The following ADAM23 variants were observed in gnomAD, a reference collection of about 807,000 sequenced individuals.
The protein encoded by ADAM23 is ADAM metallopeptidase domain 23.
In ADAM23, 33 loss-of-function variants were observed where a neutral mutation model predicts 120.1. The ratio of observed to expected loss-of-function variants is 0.27; its 90% CI spans 0.21 to 0.37. The LOEUF is 0.37. Among genes scored for constraint, ADAM23 ranks in the 10% least tolerant of loss-of-function variants. ADAM23 has a pLI of 1.00. For missense variants in ADAM23, 862 were observed against 1,058.2 expected (o/e 0.81, Z 2.57); for synonymous variants, 367 against 375.2 (o/e 0.98, Z 0.25).
In ADAM23 at chr2:206,553,115, C is replaced by T. The variant is rs573009889; in HGVS notation, c.933+2955C>T. The stretch of plus-strand genomic sequence containing the variant: ...AAAAAAGGCCGCGTGTGGTGGCTCA[C>T]GCCTATAATCGCAGCACTTTGGGAG... On this transcript the variant is annotated intron_variant, in intron 9 of 25. Coordinates refer to ENST00000264377, the MANE Select transcript of ADAM23 (RefSeq NM_003812.4). Among the ~76,000 whole-genome samples, 6 of 152,216 alleles carry T rather than the reference C, an allele frequency of 3.9e-5. No individual in the cohort carries two copies. The South Asian group carries it at 8.3e-4, about 21-fold the overall frequency.
intron 4 of ADAM23, among the ~76,000 whole-genome samples, chr2:206,536,252 CCAGA>C (rs1307028981): frequency 7.9e-5 from 12 of 152,052 alleles, no homozygotes; most frequent in South Asian, 2.1e-4. Flanking sequence ...TTGAAATAAG[CCAGA>C]CACAGAAAGA....
chr2:206,499,051 C>G (rs1459677402), intron 3 of ADAM23, among the ~76,000 whole-genome samples: 1 of 152,012 alleles, frequency 6.6e-6, no homozygotes, highest in Non-Finnish European at 1.5e-5. Context: ...GTTGGTGGGA[C>G]TGTAAACTAG....
In ADAM23 at chr2:206,619,760, A is replaced by G. The variant is rs1699019867; in HGVS notation, c.*2133A>G. 6.6e-6 allele frequency: 1 copy of G among 152,228 alleles called. No individual in the cohort carries two copies. Among genetic ancestry groups the G allele is most frequent in the African/African-American group, 2.4e-5 (1 of 41,464 alleles). 9.4% of individuals were successfully genotyped at this position (152,228 alleles called of 1,614,324 possible). A position where few individuals can be genotyped will look rare whatever the true frequency, so the allele number is the denominator to read the frequency against. On this transcript the variant is annotated 3_prime_UTR_variant, in exon 26 of 26. Transcript: ENST00000264377. ...ATAGAGCAGAGACTTTAATTTCTAT[A>G]TTCTACAATAGACCATCACCAAACA...
intron 3 of ADAM23, among the ~76,000 whole-genome samples, chr2:206,481,547 A>G (rs982098147): frequency 2.0e-5 from 3 of 152,220 alleles, no homozygotes; most frequent in Non-Finnish European, 4.4e-5. Flanking sequence ...TAAATGGAAT[A>G]AATATTTGAA....
rs1232402927 is a variant in ADAM23 at position 206,589,485 on chromosome 2, T to G, written c.1929T>G (p.Asp643Glu). The G allele has an allele frequency of 6.2e-7, 1 of 1,613,778 alleles. No homozygotes were observed. The highest frequency in any genetic ancestry group is 1.7e-5 in the Admixed American group (1 of 59,978). The change falls in exon 21 of 26, where the codon GAT becomes GAG. Residue 643 changes from aspartate (D) to glutamate (E), a missense_variant. Physicochemically the swap from Asp to Glu is conservative, Grantham distance 45. Around this residue, in one of 4 missense-constraint regions of ADAM23, gnomAD observed 617 missense variants for 813.5 expected, o/e 0.76. Transcript: ENST00000264377. ...EGTEKGNCGK[D>E]GDRWIQCSKH... ...CTGAGAAGGGAAACTGCGGGAAGGA[T>G]GGAGACCGGTGGATTCAGTGCAGCA...
chr2:206,562,588 G>T (rs2105823626), intron 13 of ADAM23, among the ~76,000 whole-genome samples: 1 of 152,286 alleles, frequency 6.6e-6, no homozygotes, highest in South Asian at 2.1e-4. Context: ...CACACTCAGG[G>T]TTCTAGCAGC....
At chr2:206,521,374 G>A (rs1696839134) in intron 3 of ADAM23, among the ~76,000 whole-genome samples, 1 of 152,010 alleles carries the variant, frequency 6.6e-6, no homozygotes, top group African/African-American at 2.4e-5. Context: ...GGTTCCTGGT[G>A]TTTCCTGGAC....
intron 24 of ADAM23, among the ~76,000 whole-genome samples, chr2:206,598,667 G>A (rs1698576319): frequency 6.6e-6 from 1 of 151,950 alleles, no homozygotes; most frequent in African/African-American, 2.4e-5. Context: ...GGGAGGCCGA[G>A]GGCAGGTGGA....
chr2:206,602,220 A>T (rs1698651854), intron 24 of ADAM23, among the ~76,000 whole-genome samples: 2 of 152,318 alleles, frequency 1.3e-5, no homozygotes, highest in Admixed American at 6.5e-5. Flanking sequence ...AAGTTTAAAA[A>T]TTTTTTAATA....
chr2:206,465,703 G>C (rs977038888), intron 2 of ADAM23, among the ~76,000 whole-genome samples: 2 of 152,054 alleles, frequency 1.3e-5, no homozygotes, highest in Admixed American at 6.5e-5. Context: ...AAATTGCTCT[G>C]TTTGTTTTTT....
At chr2:206,527,753 GT>G (rs1696971850) in intron 3 of ADAM23, among the ~76,000 whole-genome samples, 1 of 152,156 alleles carries the variant, frequency 6.6e-6, no homozygotes. Context: ...GGAATAATTA[GT>G]TTCAAGGGAG....
chr2:206,506,459 G>A (rs115759072), intron 3 of ADAM23, among the ~76,000 whole-genome samples: 3,438 of 152,306 alleles, frequency 0.023, 72 homozygotes, highest in Non-Finnish European at 0.039. Context: ...ACCAAGTGGA[G>A]CTGATGTTTC....
chr2:206,449,869 G>C (rs1695157181), intron 2 of ADAM23, among the ~76,000 whole-genome samples: 1 of 152,198 alleles, frequency 6.6e-6, no homozygotes, highest in South Asian at 2.1e-4. Flanking sequence ...GATGCACGAT[G>C]CATAGCACCG....
chr2:206,540,180 TAAAAA>T (rs1206869373), intron 4 of ADAM23, among the ~76,000 whole-genome samples: 1 of 147,154 alleles, frequency 6.8e-6, no homozygotes, highest in Non-Finnish European at 1.5e-5. Flanking sequence ...AGACTGTCTT[TAAAAA>T]AGAAAAGAAA....
At chr2:206,472,648 A>T (rs778468124) in intron 2 of ADAM23, among the ~76,000 whole-genome samples, 3 of 151,924 alleles carry the variant, frequency 2.0e-5, no homozygotes, top group Admixed American at 6.6e-5. Flanking sequence ...AAACTGAGGT[A>T]CATAAGAAAA....
chr2:206,470,786 A>G (rs1312641662), intron 2 of ADAM23, among the ~76,000 whole-genome samples: 1 of 152,224 alleles, frequency 6.6e-6, no homozygotes, highest in African/African-American at 2.4e-5. Context: ...AGTGCAAAGG[A>G]CAGAGCCAGA....
chr2:206,472,378 G>A (rs1695677764), intron 2 of ADAM23, among the ~76,000 whole-genome samples: 1 of 152,086 alleles, frequency 6.6e-6, no homozygotes, highest in Admixed American at 6.5e-5. Flanking sequence ...GGGAGGCCGA[G>A]GTGGGTGGAT....
chr2:206,548,949 C>A (rs923302286), intron 8 of ADAM23, among the ~76,000 whole-genome samples: 1 of 151,944 alleles, frequency 6.6e-6, no homozygotes, highest in African/African-American at 2.4e-5. Flanking sequence ...TATTGATAAA[C>A]GTATAGGGGC....
At chr2:206,609,690 G>A (rs1698793024) in intron 24 of ADAM23, 1 of 481,256 alleles carries the variant, frequency 2.1e-6, no homozygotes, top group Admixed American at 4.5e-5. Context: ...GAACTTAATT[G>A]TCAATGGTGC....
Sources: allele counts gnomAD v4.1 joint callset (sites outside exome capture counted in the v4.1 genomes callset), GRCh38; gene constraint gnomAD v4.1.1; regional missense constraint gnomAD v4.1.1; transcripts MANE v1.5; gene names NCBI Gene and HGNC (gene_info 2026-07-23, HGNC 2026-07-21).